SLC39A11: variants seen among roughly 807,000 people sequenced by gnomAD.
SLC39A11 encodes zinc transporter ZIP11.
A neutral mutation model predicts 36.1 loss-of-function variants in SLC39A11; 33 were observed. The ratio of observed to expected loss-of-function variants is 0.91; its 90% CI spans 0.69 to 1.22. The LOEUF (loss-of-function observed/expected upper bound fraction) is 1.22, where lower values mean the gene tolerates loss of function less well. Ranked by LOEUF, SLC39A11 falls within the 50% of genes most tolerant of loss-of-function variation. The pLI is 0.00. For missense variants in SLC39A11, 432 were observed against 430.3 expected (o/e 1.00, Z -0.03); for synonymous variants, 166 against 170.3 (o/e 0.97, Z 0.20).
chr17:73,082,116 T>TAAAAAAAAAAA (rs1462631665), intron 3 of SLC39A11, among the ~76,000 whole-genome samples: 1 of 80,346 alleles, frequency 1.2e-5, no homozygotes, highest in Non-Finnish European at 2.2e-5. Flanking sequence ...CTACTGAAAC[T>TAAAAAAAAAAA]AAAAAAAAAG....
chr17:72,842,436 T>G lies in SLC39A11; in HGVS notation c.601+7198A>C, dbSNP rs543661604. ...TGAATGAGATAACCCCTAGAATCTC[T>G]TTAAGCTTCCAATTTAACTTTCTCC... is the stretch of plus-strand genomic sequence containing the variant. On this transcript the variant is annotated intron_variant, in intron 6 of 9. Transcript: ENST00000255559. Among the ~76,000 whole-genome samples, 4 of 152,328 alleles carry G rather than the reference T, an allele frequency of 2.6e-5. No homozygotes were observed. The South Asian group carries it at 8.3e-4, about 32-fold the overall frequency.
intron 7 of SLC39A11, among the ~76,000 whole-genome samples, chr17:72,713,845 C>T (rs897313513): frequency 2.0e-5 from 3 of 152,142 alleles, no homozygotes; most frequent in Non-Finnish European, 4.4e-5. Flanking sequence ...AGTGCACTCT[C>T]GCTGAATCCC....
At position 72,705,317 on chromosome 17, in the gene SLC39A11, A is replaced by G. The variant is rs552585978; in HGVS notation, c.671+31333T>C. On this transcript the variant is annotated intron_variant, in intron 7 of 9. Coordinates refer to ENST00000255559, the MANE Select transcript of SLC39A11 (RefSeq NM_139177.4). ...TCTCCCCCAACCTTTATCTTAAAGG[A>G]GAATGTAAACTTTTGTAGAACATGA... 3.9e-5 allele frequency among the ~76,000 whole-genome samples: 6 copies of G among 152,350 alleles called. No individual in the cohort carries two copies. In the South Asian group the frequency reaches 1.2e-3, roughly 32 times the overall value.
chr17:73,006,319 A>G (rs938758435), intron 4 of SLC39A11, among the ~76,000 whole-genome samples: 11 of 152,256 alleles, frequency 7.2e-5, no homozygotes, highest in Non-Finnish European at 1.6e-4. Context: ...CAAAGTTTTA[A>G]AAGAACTGGC....
intron 4 of SLC39A11, among the ~76,000 whole-genome samples, chr17:73,030,962 C>G (rs139923909): frequency 1.3e-5 from 2 of 152,320 alleles, no homozygotes; most frequent in Admixed American, 1.3e-4. Flanking sequence ...TCTGGCTTAT[C>G]CCCAATTCCA....
intron 5 of SLC39A11, among the ~76,000 whole-genome samples, chr17:72,900,161 GAAAGAAAGA>G (rs2082292116): frequency 3.7e-5 from 2 of 54,026 alleles, no homozygotes; most frequent in South Asian, 1.1e-3. Context: ...AGAAAAGAAA[GAAAGAAAGA>G]AAGAAAGAAA....
chr17:72,758,497 A>G lies in SLC39A11; in HGVS notation c.602-21778T>C, dbSNP rs1411347407. On this transcript the variant is annotated intron_variant, in intron 6 of 9. Transcript: ENST00000255559. ...TCTTTCTTGTGGCAGGAGGTAGCCC[A>G]TTGTCATAGTTCAGGCCAGTGATAC... Among the ~76,000 whole-genome samples the G allele has an allele frequency of 2.0e-5, 3 of 152,208 alleles. No homozygotes were observed. In the East Asian group the frequency reaches 5.8e-4, roughly 29 times the overall value.
At chr17:72,745,728 G>C (rs1401814867) in intron 6 of SLC39A11, among the ~76,000 whole-genome samples, 24 of 152,210 alleles carry the variant, frequency 1.6e-4, no homozygotes, top group Admixed American at 1.6e-3. Context: ...CATAGTATCA[G>C]TTTTAGAAGT....
rs186003183 is a variant in SLC39A11, at chr17:73,071,421, G to A, written c.147+13387C>T. 5.9e-4 allele frequency among the ~76,000 whole-genome samples: 90 copies of A among 152,334 alleles called. 2 individuals carry two copies. The East Asian group carries it at 0.01, about 17-fold the overall frequency. ...TCTTCAAAGGCAAAAGTTGAGCAAA[G>A]GAAGAGCTGCTGCAGCACAGAGCTC... On this transcript the variant is annotated intron_variant, in intron 3 of 9. Transcript: ENST00000255559.
At chr17:72,799,566 A>T (rs1323006420) in intron 6 of SLC39A11, among the ~76,000 whole-genome samples, 1 of 152,132 alleles carries the variant, frequency 6.6e-6, no homozygotes, top group East Asian at 1.9e-4. Context: ...AAAGGAATGC[A>T]TTCCTGGGGG....
chr17:72,873,637 G>A (rs8070299), intron 5 of SLC39A11, among the ~76,000 whole-genome samples: 4,359 of 152,184 alleles, frequency 0.029, 210 homozygotes, highest in African/African-American at 0.097. Context: ...ATGTGAACAC[G>A]TGCCCTCAAT....
chr17:72,814,359 G>C (rs1393838511), intron 6 of SLC39A11, among the ~76,000 whole-genome samples: 1 of 152,204 alleles, frequency 6.6e-6, no homozygotes, highest in East Asian at 1.9e-4. Context: ...GGAAGGCGGA[G>C]AGACAAGAAC....
intron 6 of SLC39A11, among the ~76,000 whole-genome samples, chr17:72,790,776 G>A (rs962063221): frequency 2.6e-5 from 4 of 152,010 alleles, no homozygotes; most frequent in African/African-American, 7.2e-5. Context: ...CAAGTGATCC[G>A]CCTGCCTCGG....
chr17:72,773,644 TAC>T (rs550889404), intron 6 of SLC39A11, among the ~76,000 whole-genome samples: 1,888 of 78,298 alleles, frequency 0.024, 14 homozygotes, highest in Non-Finnish European at 0.03. Flanking sequence ...GAGACCATCT[TAC>T]ACACACACAC....
chr17:72,727,466 A>G (rs1022203524), intron 7 of SLC39A11, among the ~76,000 whole-genome samples: 2 of 152,002 alleles, frequency 1.3e-5, no homozygotes, highest in African/African-American at 4.8e-5. Flanking sequence ...ATCCTGGCTA[A>G]CACGGTGAAA....
chr17:72,856,135 A>G (rs1025427181), intron 5 of SLC39A11, among the ~76,000 whole-genome samples: 1 of 152,216 alleles, frequency 6.6e-6, no homozygotes, highest in Non-Finnish European at 1.5e-5. Flanking sequence ...TCAAAGGGCC[A>G]TGATACAATT....
chr17:72,899,561 T>C (rs1256988924), intron 5 of SLC39A11, among the ~76,000 whole-genome samples: 1 of 152,164 alleles, frequency 6.6e-6, no homozygotes. Context: ...TCACCACTTA[T>C]AAAGTGCTAT....
chr17:72,688,759 G>A (rs558241490), intron 7 of SLC39A11, among the ~76,000 whole-genome samples: 1 of 152,342 alleles, frequency 6.6e-6, no homozygotes, highest in Admixed American at 6.5e-5. Flanking sequence ...CAACTGGTCT[G>A]TGCAAATCCC....
intron 7 of SLC39A11, among the ~76,000 whole-genome samples, chr17:72,655,518 G>C (rs973107936): frequency 1.3e-5 from 2 of 152,220 alleles, no homozygotes; most frequent in East Asian, 1.9e-4. Flanking sequence ...AAGAGTGTGC[G>C]AGGGCGTTGA....
Sources: gnomAD v4.1 joint callset for allele counts (sites outside exome capture counted in the v4.1 genomes callset) on GRCh38, gnomAD v4.1.1 for gene constraint, MANE v1.5 for transcripts, NCBI Gene and HGNC (gene_info 2026-07-23, HGNC 2026-07-21) for gene names.